VSIR: variants seen among roughly 807,000 people sequenced by gnomAD.
The protein encoded by VSIR is V-set immunoregulatory receptor, also known as V-type immunoglobulin domain-containing suppressor of T-cell activation.
VSIR carries 10 observed loss-of-function variants against 31.0 expected under a neutral mutation model. The observed-to-expected ratio is 0.32, with a 90% CI of 0.20 to 0.55. VSIR has a LOEUF of 0.55. Among genes scored for constraint, VSIR ranks in the 20% least tolerant of loss-of-function variants. VSIR has a pLI of 0.93. For missense variants in VSIR, 356 were observed against 416.2 expected (o/e 0.86, Z 1.26); for synonymous variants, 179 against 180.1 (o/e 0.99, Z 0.05).
intron 1 of VSIR, among the ~76,000 whole-genome samples, chr10:71,769,579 A>G (rs941442041): frequency 6.6e-6 from 1 of 152,248 alleles, no homozygotes; most frequent in Non-Finnish European, 1.5e-5. Context: ...ACCATCATGG[A>G]ATTAACCTTC....
At chr10:71,767,200 C>T (rs1423439851) in intron 1 of VSIR, among the ~76,000 whole-genome samples, 2 of 152,234 alleles carry the variant, frequency 1.3e-5, no homozygotes, top group Non-Finnish European at 2.9e-5. Flanking sequence ...ACCTTCACCT[C>T]TCTCCACCCA....
At chr10:71,759,845 A>G (rs1188911698) in intron 3 of VSIR, among the ~76,000 whole-genome samples, 3 of 25,508 alleles carry the variant, frequency 1.2e-4, no homozygotes, top group African/African-American at 3.0e-4. Flanking sequence ...ACACACACAC[A>G]CATATACACA....
At chr10:71,755,553 G>A (rs1198274126) in intron 3 of VSIR, 87 bp from the exon 4 acceptor site, 3 of 1,255,574 alleles carry the variant, frequency 2.4e-6, no homozygotes, top group African/African-American at 3.0e-5. Context: ...GGGAAGGCCA[G>A]GAAGCAGGAG....
intron 3 of VSIR, 109 bp from the exon 4 acceptor site, chr10:71,755,575 C>G: frequency 1.0e-6 from 1 of 1,003,640 alleles, no homozygotes. Context: ...CCCGCCTTTC[C>G]CCAGAGTCCC....
At chr10:71,752,296 T>A (rs770288695) in intron 5 of VSIR, among the ~76,000 whole-genome samples, 4 of 152,198 alleles carry the variant, frequency 2.6e-5, no homozygotes, top group Non-Finnish European at 5.9e-5. Context: ...GGGAGTGGGA[T>A]AACTTCTGAA....
chr10:71,771,080 G>C (rs751439318), intron 1 of VSIR, among the ~76,000 whole-genome samples: 1 of 152,198 alleles, frequency 6.6e-6, no homozygotes, highest in Non-Finnish European at 1.5e-5. Context: ...CCTAGCCCCA[G>C]TGCACTTAAA....
intron 2 of VSIR, among the ~76,000 whole-genome samples, chr10:71,761,184 A>G (rs1440868643): frequency 6.6e-6 from 1 of 151,972 alleles, no homozygotes; most frequent in East Asian, 1.9e-4. Context: ...GGGCCCTTGC[A>G]CTCTCACCTG....
Position 71,747,913 on chromosome 10 carries a change from A to C in VSIR, c.*3340T>G, listed in dbSNP as rs185079011. The C allele has an allele frequency of 6.6e-6, 1 of 152,486 alleles. No individual in the cohort carries two copies. The highest frequency in any genetic ancestry group is 1.9e-4 in the East Asian group (1 of 5,192). The allele number at this position is 152,486 out of a possible 1,614,324, so 9.4% of individuals were successfully genotyped here. ...TGGGGTGAAGAGAAGCAGCAATGCA[A>C]AGCAGGGAATGCCCAGGGAATGGGC... is the stretch of plus-strand genomic sequence containing the variant. On this transcript the variant is annotated 3_prime_UTR_variant, in exon 7 of 7. Coordinates refer to ENST00000394957, the MANE Select transcript of VSIR (RefSeq NM_022153.2).
rs1840004833 is a variant in VSIR, at chr10:71,751,637, C to T, written c.898+31G>A. The stretch of plus-strand genomic sequence containing the variant: ...GCCATGAGGTCATGACCTTACAGGT[C>T]ATCGTGCTGTGAAGGTCAGGAAACA... On this transcript the variant is annotated intron_variant, in intron 6 of 6. Transcript: ENST00000394957. The surrounding 1 kb of genome is among the most constrained non-coding windows in gnomAD (Gnocchi z 4.9). The T allele has an allele frequency of 6.6e-7, 1 of 1,512,082 alleles. No individual in the cohort carries two copies. The highest frequency in any genetic ancestry group is 8.8e-7 in the Non-Finnish European group (1 of 1,130,436). The allele number at this position is 1,512,082 out of a possible 1,614,324, so 93.7% of individuals were successfully genotyped here. A position where few individuals can be genotyped will look rare whatever the true frequency, so the allele number is the denominator to read the frequency against.
intron 1 of VSIR, among the ~76,000 whole-genome samples, chr10:71,772,759 G>C (rs975218043): frequency 6.6e-6 from 1 of 152,194 alleles, no homozygotes; most frequent in Non-Finnish European, 1.5e-5. Context: ...GCAGGAATCA[G>C]CTGACCACTT....
Position 71,760,251 on chromosome 10 carries a change from G to GTA in VSIR, c.568+615_568+616dup, listed in dbSNP as rs1412423013. ...TATATGTATATACATATATATGTAT[G>GTA]TATATATATGTATATACATATATAT... On this transcript the variant is annotated intron_variant, in intron 3 of 6. Coordinates refer to ENST00000394957, the MANE Select transcript of VSIR (RefSeq NM_022153.2). Among the ~76,000 whole-genome samples, 6 of 85,424 alleles carry GTA rather than the reference G, an allele frequency of 7.0e-5. 2 individuals carry two copies. The highest frequency in any genetic ancestry group is 1.0e-4 in the Non-Finnish European group (4 of 39,970). 56.0% of individuals were successfully genotyped at this position (85,424 alleles called of 152,430 possible). A position where few individuals can be genotyped will look rare whatever the true frequency, so the allele number is the denominator to read the frequency against.
chr10:71,772,366 G>A (rs919287988), intron 1 of VSIR, among the ~76,000 whole-genome samples: 3 of 152,078 alleles, frequency 2.0e-5, no homozygotes, highest in Non-Finnish European at 2.9e-5. Flanking sequence ...GCCTCCCTCC[G>A]AGTCCCTGCA....
intron 1 of VSIR, among the ~76,000 whole-genome samples, chr10:71,770,550 C>T (rs1840662844): frequency 6.6e-6 from 1 of 152,206 alleles, no homozygotes; most frequent in African/African-American, 2.4e-5. Context: ...CCTGGCCCAC[C>T]CTCCCCTGGG....
intron 3 of VSIR, among the ~76,000 whole-genome samples, chr10:71,756,903 A>AG (rs1840163135): frequency 6.6e-6 from 1 of 152,212 alleles, no homozygotes; most frequent in Admixed American, 6.5e-5. Context: ...AGCTTTCAGG[A>AG]GGTTTGTTCA....
At chr10:71,752,181 T>A in intron 5 of VSIR, 1 of 474,732 alleles carries the variant, frequency 2.1e-6, no homozygotes, top group East Asian at 4.7e-5. Context: ...CCTCAGGAAT[T>A]TGGGGACAAG....
intron 3 of VSIR, among the ~76,000 whole-genome samples, chr10:71,759,478 G>T (rs1035942026): frequency 6.6e-6 from 1 of 151,736 alleles, no homozygotes; most frequent in Non-Finnish European, 1.5e-5. Context: ...CTGCATTCCA[G>T]CCTGAGTGAC....
intron 5 of VSIR, among the ~76,000 whole-genome samples, chr10:71,752,408 G>A (rs1840027213): frequency 6.6e-6 from 1 of 152,160 alleles, no homozygotes; most frequent in Non-Finnish European, 1.5e-5. Flanking sequence ...CTTTGTGTTT[G>A]GTGTTGCAGG....
Position 71,759,914 on chromosome 10 carries a change from CAT to C in VSIR, c.568+952_568+953del, listed in dbSNP as rs1564779323. Among the ~76,000 whole-genome samples the C allele has an allele frequency of 1.1e-4, 6 of 56,820 alleles. No individual in the cohort carries two copies. In the South Asian group the frequency reaches 1.9e-3, roughly 18 times the overall value. The allele number at this position is 56,820 out of a possible 152,430, so 37.3% of individuals were successfully genotyped here. ...ACACACACACATATATACACACACACATATATACACACACACATATATACACA... is the reference window on the plus strand; with the variant it reads ...ACACACACACATATATACACACACACATATACACACACACATATATACACA... On this transcript the variant is annotated intron_variant, in intron 3 of 6. Coordinates refer to ENST00000394957, the MANE Select transcript of VSIR (RefSeq NM_022153.2).
intron 3 of VSIR, among the ~76,000 whole-genome samples, chr10:71,759,820 T>TACACACAC (rs1289055534): frequency 0.033 from 2,841 of 85,462 alleles, 446 homozygotes; most frequent in African/African-American, 0.099. Context: ...TCAGAAAATA[T>TACACACAC]ACACACACAC....
Sources: gnomAD v4.1 joint callset for allele counts (sites outside exome capture counted in the v4.1 genomes callset) on GRCh38, gnomAD v4.1.1 for gene constraint, Gnocchi (gnomAD v3.1) non-coding constraint, MANE v1.5 for transcripts, NCBI Gene and HGNC (gene_info 2026-07-23, HGNC 2026-07-21) for gene names.